The following TGFBR2 variants were observed in gnomAD, a reference collection of about 807,000 sequenced individuals.
TGFBR2 encodes transforming growth factor beta receptor 2, also known as TGF-beta receptor type-2.
TGFBR2 carries 18 observed loss-of-function variants against 49.0 expected under a neutral mutation model. That is an observed-to-expected ratio of 0.37 (90% CI 0.25 to 0.54). The LOEUF (loss-of-function observed/expected upper bound fraction) is 0.54, where lower values mean the gene tolerates loss of function less well. Ranked by LOEUF, TGFBR2 falls within the 20% of genes least tolerant of loss-of-function variation. TGFBR2 has a pLI of 0.85. For missense variants in TGFBR2, 525 were observed against 722.6 expected (o/e 0.73, Z 3.13); for synonymous variants, 282 against 275.9 (o/e 1.02, Z -0.22).
chr3:30,606,813 C>T lies in TGFBR2; in HGVS notation c.-71C>T. 3 of 1,153,010 alleles carry T rather than the reference C, an allele frequency of 2.6e-6. No individual in the cohort carries two copies. Among genetic ancestry groups the T allele is most frequent in the East Asian group, 3.2e-5 (1 of 31,206 alleles). 71.4% of individuals were successfully genotyped at this position (1,153,010 alleles called of 1,614,324 possible). On this transcript the variant is annotated 5_prime_UTR_variant, in exon 1 of 7. Transcript: ENST00000295754. Reference sequence around the variant, plus strand: ...CCGGAGAGGGCGCGGCGCGGAGGCGCAGCCAGGGGTCCGGGAAGGCGCCGT... The same window carrying T: ...CCGGAGAGGGCGCGGCGCGGAGGCGTAGCCAGGGGTCCGGGAAGGCGCCGT...
rs116075651 is a variant in TGFBR2 at position 30,646,390 on chromosome 3, A to G, written c.263+1475A>G. Among the ~76,000 whole-genome samples the G allele has an allele frequency of 4.7e-3, 718 of 152,358 alleles. 8 individuals are homozygous for G. The highest frequency in any genetic ancestry group is 0.016 in the African/African-American group (684 of 41,588). Reference sequence around the variant, plus strand: ...TCAGAGGAGAGGGACCAGTGTGGTTAGAGGCCTAGAAATCATGCTGTCTGA... The same window carrying G: ...TCAGAGGAGAGGGACCAGTGTGGTTGGAGGCCTAGAAATCATGCTGTCTGA... On this transcript the variant is annotated intron_variant, in intron 2 of 6. Transcript: ENST00000295754.
At chr3:30,655,642 A>AT (rs993161169) in intron 3 of TGFBR2, among the ~76,000 whole-genome samples, 8 of 152,074 alleles carry the variant, frequency 5.3e-5, no homozygotes, top group African/African-American at 1.7e-4. Context: ...TTCCCTCTTC[A>AT]TTTTTTCCAT....
chr3:30,633,408 G>A (rs1698472395), intron 1 of TGFBR2, among the ~76,000 whole-genome samples: 2 of 152,166 alleles, frequency 1.3e-5, no homozygotes. Flanking sequence ...ACTGAAATGT[G>A]ATTATACACA....
Position 30,671,906 on chromosome 3 carries a change from G to T in TGFBR2, c.723G>T (p.Leu241=). The T allele has an allele frequency of 6.2e-7, 1 of 1,614,208 alleles. No individual in the cohort carries two copies. Among genetic ancestry groups the T allele is most frequent in the South Asian group, 1.1e-5 (1 of 91,082 alleles). ...CANNINHNTE[L]LPIELDTLVG... ...ACAACATCAACCACAACACAGAGCT[G>T]CTGCCCATTGAGCTGGACACCCTGG... is the stretch of plus-strand genomic sequence containing the variant. The change falls in exon 4 of 7, where the codon CTG becomes CTT. Residue 241 remains leucine, a synonymous_variant. Transcript: ENST00000295754.
intron 1 of TGFBR2, among the ~76,000 whole-genome samples, chr3:30,641,067 G>A (rs990244171): frequency 6.6e-6 from 1 of 152,062 alleles, no homozygotes; most frequent in African/African-American, 2.4e-5. Flanking sequence ...CCTCCCACTG[G>A]CCCTCATCCC....
At position 30,678,341 on chromosome 3, in the gene TGFBR2, A is replaced by G. The variant is rs924910579; in HGVS notation, c.1396+4095A>G. Among the ~76,000 whole-genome samples the G allele has an allele frequency of 2.4e-4, 36 of 151,974 alleles. 2 individuals carry two copies. Among genetic ancestry groups the G allele is most frequent in the Admixed American group, 2.0e-3 (30 of 15,246 alleles). ...GGCGGGTGGATCATGAGGTCAGGAG[A>G]TCGAGACCATCCTGGCTAACATGGT... is the stretch of plus-strand genomic sequence containing the variant. On this transcript the variant is annotated intron_variant, in intron 5 of 6. Coordinates refer to ENST00000295754, the MANE Select transcript of TGFBR2 (RefSeq NM_003242.6).
intron 1 of TGFBR2, among the ~76,000 whole-genome samples, chr3:30,643,872 G>C (rs1362568312): frequency 6.6e-6 from 1 of 152,190 alleles, no homozygotes; most frequent in Non-Finnish European, 1.5e-5. Flanking sequence ...GATCAGAAAA[G>C]TGACAGGAAG....
intron 2 of TGFBR2, among the ~76,000 whole-genome samples, chr3:30,648,448 ACAC>A (rs1698814580): frequency 6.7e-6 from 1 of 150,180 alleles, no homozygotes; most frequent in African/African-American, 2.5e-5. Context: ...ACACACACAC[ACAC>A]ACACACACAC....
intron 1 of TGFBR2, among the ~76,000 whole-genome samples, chr3:30,622,453 C>T (rs1257149889): frequency 2.6e-5 from 4 of 152,094 alleles, no homozygotes; most frequent in Non-Finnish European, 5.9e-5. Context: ...AACATTTCTG[C>T]CCACACCCTT....
At chr3:30,670,077 C>T (rs1369510921) in intron 3 of TGFBR2, among the ~76,000 whole-genome samples, 1 of 152,110 alleles carries the variant, frequency 6.6e-6, no homozygotes, top group Non-Finnish European at 1.5e-5. Context: ...ATACCACCTA[C>T]CCATTTTTTT....
chr3:30,618,036 T>G (rs1253712383), intron 1 of TGFBR2, among the ~76,000 whole-genome samples: 1 of 152,164 alleles, frequency 6.6e-6, no homozygotes. Context: ...TATGAGAGTC[T>G]TTTGACTCTT....
chr3:30,643,792 T>C (rs767713710), intron 1 of TGFBR2, among the ~76,000 whole-genome samples: 3 of 152,244 alleles, frequency 2.0e-5, no homozygotes, highest in Non-Finnish European at 4.4e-5. Flanking sequence ...AAGTATGCGA[T>C]GCAGATAGTT....
chr3:30,655,669 G>T (rs906615834), intron 3 of TGFBR2, among the ~76,000 whole-genome samples: 4 of 152,166 alleles, frequency 2.6e-5, no homozygotes, highest in Admixed American at 6.5e-5. Context: ...CTTGCTTTGG[G>T]CCACAAGGCC....
At chr3:30,624,937 C>T (rs1435099464) in intron 1 of TGFBR2, among the ~76,000 whole-genome samples, 1 of 152,062 alleles carries the variant, frequency 6.6e-6, no homozygotes, top group Non-Finnish European at 1.5e-5. Flanking sequence ...CAAAGATGAG[C>T]TTCATTAAAC....
At chr3:30,654,700 C>T (rs958354856) in intron 3 of TGFBR2, among the ~76,000 whole-genome samples, 7 of 152,170 alleles carry the variant, frequency 4.6e-5, no homozygotes, top group African/African-American at 7.2e-5. Flanking sequence ...TGATGGGCAC[C>T]AGGACTGAAG....
At chr3:30,686,957 C>G (rs1193752739) in intron 5 of TGFBR2, among the ~76,000 whole-genome samples, 2 of 152,166 alleles carry the variant, frequency 1.3e-5, no homozygotes, top group African/African-American at 4.8e-5. Context: ...TGTTGACAGC[C>G]TGTTGGCATG....
intron 2 of TGFBR2, among the ~76,000 whole-genome samples, chr3:30,645,690 T>G (rs1289049582): frequency 6.6e-6 from 1 of 152,056 alleles, no homozygotes; most frequent in African/African-American, 2.4e-5. Flanking sequence ...TTCACCATGT[T>G]GGCCAGGCTG....
chr3:30,664,232 C>T (rs527560346), intron 3 of TGFBR2, among the ~76,000 whole-genome samples: 1 of 152,044 alleles, frequency 6.6e-6, no homozygotes. Context: ...GATCCTCCCA[C>T]CTCAGCCTCA....
intron 1 of TGFBR2, among the ~76,000 whole-genome samples, chr3:30,642,254 C>T (rs1217419112): frequency 6.6e-6 from 1 of 152,116 alleles, no homozygotes; most frequent in Non-Finnish European, 1.5e-5. Context: ...CCAGCTATAT[C>T]CAGGTGCTGT....
Sources: gnomAD v4.1 joint callset for allele counts (sites outside exome capture counted in the v4.1 genomes callset) on GRCh38, gnomAD v4.1.1 for gene constraint, MANE v1.5 for transcripts, NCBI Gene and HGNC (gene_info 2026-07-23, HGNC 2026-07-21) for gene names.